The following OTUD7A variants were observed in gnomAD, a reference collection of about 807,000 sequenced individuals.
The protein encoded by OTUD7A is OTU deubiquitinase 7A.
Under a neutral mutation model 65.7 loss-of-function variants are expected in OTUD7A, and 12 were observed. The observed-to-expected ratio is 0.18, with a 90% confidence interval of 0.12 to 0.30. The LOEUF is 0.30. OTUD7A is among the 10% of genes least tolerant of loss of function. OTUD7A has a pLI of 1.00. For synonymous variants in OTUD7A, 641 were observed against 586.3 expected (o/e 1.09, Z -1.35); for missense variants, 1,148 against 1,304.8 (o/e 0.88, Z 1.85).
chr15:31,646,047 G>C (rs534925222), intron 3 of OTUD7A, among the ~76,000 whole-genome samples: 8 of 152,322 alleles, frequency 5.3e-5, no homozygotes, highest in Non-Finnish European at 1.5e-5. Context: ...ATTGATTTCA[G>C]TTCGCACAGC....
At chr15:31,747,036 CA>C (rs1894499847) in intron 1 of OTUD7A, among the ~76,000 whole-genome samples, 1 of 152,250 alleles carries the variant, frequency 6.6e-6, no homozygotes, top group East Asian at 1.9e-4. Flanking sequence ...TACTACCACA[CA>C]AATGTTGAAC....
chr15:31,570,953 C>T (rs1023909106), intron 3 of OTUD7A, among the ~76,000 whole-genome samples: 13 of 152,296 alleles, frequency 8.5e-5, no homozygotes, highest in Admixed American at 7.8e-4. Context: ...TTCAGTTAGG[C>T]ATCATCCTAT....
intron 1 of OTUD7A, among the ~76,000 whole-genome samples, chr15:31,753,583 G>T (rs1319866013): frequency 6.7e-6 from 1 of 150,318 alleles, no homozygotes; most frequent in Non-Finnish European, 1.5e-5. Flanking sequence ...ACTTCACTTA[G>T]AATAATGGTC....
intron 1 of OTUD7A, among the ~76,000 whole-genome samples, chr15:31,760,398 T>C (rs1894929217): frequency 6.6e-6 from 1 of 152,238 alleles, no homozygotes; most frequent in Admixed American, 6.5e-5. Context: ...TGCTGTCCTT[T>C]ATAGCAACAA....
At chr15:31,787,354 T>C (rs927518993) in intron 1 of OTUD7A, 4 of 152,204 alleles carry the variant, frequency 2.6e-5, no homozygotes, top group African/African-American at 9.6e-5. Context: ...ATTATAAATT[T>C]TCCAAATTTG....
At chr15:31,628,937 G>C (rs904315490) in intron 3 of OTUD7A, among the ~76,000 whole-genome samples, 45 of 152,228 alleles carry the variant, frequency 3.0e-4, no homozygotes, top group African/African-American at 9.6e-4. Flanking sequence ...TTTACACATT[G>C]ATTTTGTATC....
chr15:31,484,471 A>C lies in OTUD7A; in HGVS notation c.1625T>G (p.Leu542Arg). Residue 542 changes from leucine (L) to arginine (R), a missense_variant, in exon 13 of 13, where the codon CTC becomes CGC. This residue lies in a region of OTUD7A where 842 missense variants were observed against 769.5 expected (regional missense o/e 1.09). Coordinates refer to ENST00000307050, the MANE Select transcript of OTUD7A (RefSeq NM_001382637.1). This position sits in a 1 kb window ranked among gnomAD's most constrained non-coding sequence, Gnocchi z 4.5. ...CATCTTGCCGTGCACCAGGCCGCCG[A>C]GGCCGCCCATGTTTTTCTTCAGCTT... is the stretch of plus-strand genomic sequence containing the variant. ...GIKLKKNMGG[L>R]GGLVHGKMGR... 6.2e-7 allele frequency: 1 copy of C among 1,606,394 alleles called. No homozygotes were observed. Among genetic ancestry groups the C allele is most frequent in the South Asian group, 1.1e-5 (1 of 91,080 alleles).
At chr15:31,587,922 T>C (rs555263144) in intron 3 of OTUD7A, among the ~76,000 whole-genome samples, 5 of 152,092 alleles carry the variant, frequency 3.3e-5, no homozygotes, top group African/African-American at 9.6e-5. Flanking sequence ...CCTCACTTCA[T>C]TGTGGTCTCT....
chr15:31,620,434 T>A (rs1306519507), intron 3 of OTUD7A, among the ~76,000 whole-genome samples: 1 of 152,070 alleles, frequency 6.6e-6, no homozygotes, highest in East Asian at 1.9e-4. Context: ...CATTATTGCC[T>A]CAATTTCAGA....
intron 1 of OTUD7A, among the ~76,000 whole-genome samples, chr15:31,852,713 C>T (rs1897461245): frequency 1.3e-5 from 2 of 152,216 alleles, no homozygotes; most frequent in Admixed American, 1.3e-4. Flanking sequence ...AACACTGATA[C>T]CTGCCTGGCA....
At chr15:31,792,405 C>A (rs559755493) in intron 1 of OTUD7A, among the ~76,000 whole-genome samples, 1 of 152,270 alleles carries the variant, frequency 6.6e-6, no homozygotes, top group South Asian at 2.1e-4. Flanking sequence ...CTCACAGGAC[C>A]TCCACCTGCT....
At chr15:31,751,759 T>C (rs2141385192) in intron 1 of OTUD7A, among the ~76,000 whole-genome samples, 1 of 152,286 alleles carries the variant, frequency 6.6e-6, no homozygotes, top group South Asian at 2.1e-4. Context: ...AATGTCCTTT[T>C]CAAACAACAT....
chr15:31,483,420 C>T lies in OTUD7A; in HGVS notation c.2676G>A (p.Pro892=). The T allele has an allele frequency of 2.2e-6, 3 of 1,367,490 alleles. No homozygotes were observed. Among genetic ancestry groups the T allele is most frequent in the Admixed American group, 3.3e-5 (1 of 30,046 alleles). 84.7% of individuals were successfully genotyped at this position (1,367,490 alleles called of 1,614,324 possible). A position where few individuals can be genotyped will look rare whatever the true frequency, so the allele number is the denominator to read the frequency against. ...NGECGRGGPG[P]VQRRCQRENC... is the part of the protein sequence containing the mutation. ...TCTCGCGCTGGCAGCGCCGCTGCACCGGCCCCGGGCCGCCACGGCCGCACT... is the reference window on the plus strand; with the variant it reads ...TCTCGCGCTGGCAGCGCCGCTGCACTGGCCCCGGGCCGCCACGGCCGCACT... Residue 892 remains proline, a synonymous_variant, in exon 13 of 13, where the codon CCG becomes CCA. Coordinates refer to ENST00000307050, the MANE Select transcript of OTUD7A (RefSeq NM_001382637.1).
At chr15:31,645,612 T>TA in intron 3 of OTUD7A, among the ~76,000 whole-genome samples, 1 of 152,224 alleles carries the variant, frequency 6.6e-6, no homozygotes, top group East Asian at 1.9e-4. Flanking sequence ...TAAAAGTAGT[T>TA]ATTCTTTAAT....
chr15:31,512,506 T>A (rs2041770874), intron 8 of OTUD7A, among the ~76,000 whole-genome samples: 1 of 152,222 alleles, frequency 6.6e-6, no homozygotes, highest in Non-Finnish European at 1.5e-5. Context: ...GCCAGCAGTT[T>A]TGTTATGAGA....
intron 1 of OTUD7A, among the ~76,000 whole-genome samples, chr15:31,674,225 T>C (rs922124492): frequency 6.6e-6 from 1 of 152,134 alleles, no homozygotes; most frequent in Non-Finnish European, 1.5e-5. Flanking sequence ...GCATGGGTGT[T>C]GGCCGGGCAC....
At chr15:31,530,639 A>G (rs2042073518) in intron 6 of OTUD7A, 68 bp downstream of exon 6, 1 of 1,410,764 alleles carries the variant, frequency 7.1e-7, no homozygotes, top group South Asian at 1.2e-5. Flanking sequence ...TGTTTCCTTC[A>G]ATAGCATATG....
Position 31,714,355 on chromosome 15 carries a change from T to A in OTUD7A, c.-99-57278A>T, listed in dbSNP as rs1267299282. 2.6e-5 allele frequency among the ~76,000 whole-genome samples: 4 copies of A among 152,110 alleles called. No individual in the cohort carries two copies. The East Asian group carries it at 7.7e-4, about 29-fold the overall frequency. On this transcript the variant is annotated intron_variant, in intron 1 of 12. Coordinates refer to ENST00000307050, the MANE Select transcript of OTUD7A (RefSeq NM_001382637.1). ...AGCAAACATTATTTCATTCCATTCA[T>A]CACACTGAGTTTAAAAATAGGCAAA... is the stretch of plus-strand genomic sequence containing the variant.
At chr15:31,547,548 A>G (rs902767114) in intron 5 of OTUD7A, among the ~76,000 whole-genome samples, 1 of 152,192 alleles carries the variant, frequency 6.6e-6, no homozygotes, top group Non-Finnish European at 1.5e-5. Flanking sequence ...CTTCCTCACA[A>G]AAATAAAAGT....
Sources: allele counts gnomAD v4.1 joint callset (sites outside exome capture counted in the v4.1 genomes callset), GRCh38; gene constraint gnomAD v4.1.1; regional missense constraint gnomAD v4.1.1; non-coding constraint Gnocchi (gnomAD v3.1); transcripts MANE v1.5; gene names NCBI Gene and HGNC (gene_info 2026-07-23, HGNC 2026-07-21).